Variants in CSMD1 observed in about 807,000 individuals in gnomAD.
CSMD1 encodes the protein CUB and sushi domain-containing protein 1.
Under a neutral mutation model 417.5 loss-of-function variants are expected in CSMD1, and 213 were observed. The observed-to-expected ratio is 0.51, with a 90% CI of 0.46 to 0.57. The LOEUF is 0.57. Among genes scored for constraint, CSMD1 ranks in the 20% least tolerant of loss-of-function variants. The pLI is 0.00. For synonymous variants in CSMD1, 2,862 were observed against 1,736.8 expected, an observed-to-expected ratio of 1.65 and a Z score of -16.11; for missense variants, 6,923 against 4,529.7, an observed-to-expected ratio of 1.53 and a Z score of -15.17.
intron 11 of CSMD1, among the ~76,000 whole-genome samples, chr8:3,473,020 G>C (rs1054039925): frequency 6.6e-6 from 1 of 151,808 alleles, no homozygotes; most frequent in Non-Finnish European, 1.5e-5. Context: ...CTGTCTCCTG[G>C]TTCTGGCATT....
rs73660723 is a variant in CSMD1, at chr8:4,272,070, C to A, written c.415+147883G>T. Among the ~76,000 whole-genome samples, 1,369 of 152,108 alleles carry A rather than the reference C, an allele frequency of 9.0e-3. 17 individuals carry two copies. The highest frequency in any genetic ancestry group is 0.032 in the African/African-American group (1,318 of 41,486). On this transcript the variant is annotated intron_variant, in intron 3 of 69. Coordinates refer to ENST00000635120, the MANE Select transcript of CSMD1 (RefSeq NM_033225.6). ...GTAAGTAGACCTGTGTAGTTCAAAC[C>A]TGCACTGTTCAACTATCAACTGTAC...
intron 52 of CSMD1, among the ~76,000 whole-genome samples, chr8:3,014,627 A>G (rs143775934): frequency 3.6e-4 from 55 of 152,250 alleles, no homozygotes; most frequent in African/African-American, 1.3e-3. Flanking sequence ...GGGGCGTGCC[A>G]GTTTCTGATT....
chr8:4,604,395 G>GTC (rs1206052135), intron 2 of CSMD1, among the ~76,000 whole-genome samples: 33 of 86,496 alleles, frequency 3.8e-4, no homozygotes, highest in South Asian at 1.3e-3. Flanking sequence ...GTGTGTGTGT[G>GTC]TGTGTGTGTG....
intron 1 of CSMD1, among the ~76,000 whole-genome samples, chr8:4,836,121 C>T (rs942370128): frequency 6.6e-6 from 1 of 152,038 alleles, no homozygotes; most frequent in African/African-American, 2.4e-5. Context: ...CTTCAGCTTT[C>T]CAATTTGAAA....
At chr8:4,467,835 A>G (rs969841810) in intron 2 of CSMD1, among the ~76,000 whole-genome samples, 4 of 152,228 alleles carry the variant, frequency 2.6e-5, no homozygotes, top group African/African-American at 7.2e-5. Context: ...ACTCAATGAA[A>G]TAATTGGACA....
In CSMD1 at chr8:4,498,438, TTTAC is replaced by T. The variant is rs1339826591; in HGVS notation, c.303-78377_303-78374del. On this transcript the variant is annotated intron_variant, in intron 2 of 69. Coordinates refer to ENST00000635120, the MANE Select transcript of CSMD1 (RefSeq NM_033225.6). Reference sequence around the variant, plus strand: ...AATATTAATGCATGCTTCAGAGGCATTTACTTAATTTTTAATTTTTTAAAATGAA... The same window carrying T: ...AATATTAATGCATGCTTCAGAGGCATTTAATTTTTAATTTTTTAAAATGAA... Among the ~76,000 whole-genome samples, 5 of 152,212 alleles carry T rather than the reference TTTAC, an allele frequency of 3.3e-5. 1 individual carries two copies. Among genetic ancestry groups the T allele is most frequent in the Admixed American group, 2.6e-4 (4 of 15,286 alleles).
chr8:4,553,470 C>T (rs1266157338), intron 2 of CSMD1, among the ~76,000 whole-genome samples: 5 of 143,910 alleles, frequency 3.5e-5, no homozygotes, highest in South Asian at 4.4e-4. Flanking sequence ...CAAATGAAAG[C>T]AAACCATTTT....
chr8:4,818,548 G>C (rs1275076005), intron 1 of CSMD1, among the ~76,000 whole-genome samples: 1 of 152,128 alleles, frequency 6.6e-6, no homozygotes, highest in African/African-American at 2.4e-5. Context: ...CATGAATCCA[G>C]AGACACACAC....
chr8:3,399,944 G>A (rs1422080875), intron 15 of CSMD1, among the ~76,000 whole-genome samples: 2 of 152,160 alleles, frequency 1.3e-5, no homozygotes, highest in African/African-American at 4.8e-5. Context: ...ACCCTTAGGT[G>A]TGTGTATGCA....
At chr8:3,097,990 C>T (rs1019023750) in intron 46 of CSMD1, among the ~76,000 whole-genome samples, 3 of 152,186 alleles carry the variant, frequency 2.0e-5, no homozygotes, top group Non-Finnish European at 4.4e-5. Context: ...TATTCAACTA[C>T]TTCCAGTTTA....
chr8:4,176,309 C>A (rs1213007389), intron 3 of CSMD1, among the ~76,000 whole-genome samples: 1 of 152,100 alleles, frequency 6.6e-6, no homozygotes, highest in East Asian at 1.9e-4. Flanking sequence ...TCCATCTTAT[C>A]TATATTGTTT....
At chr8:3,670,604 A>ATATATATGGGGATGTATATATTG (rs771999714) in intron 7 of CSMD1, among the ~76,000 whole-genome samples, 1 of 140,590 alleles carries the variant, frequency 7.1e-6, no homozygotes, top group Admixed American at 7.3e-5. Flanking sequence ...TATATATTGC[A>ATATATATGGGGATGTATATATTG]CATATATATG....
intron 5 of CSMD1, among the ~76,000 whole-genome samples, chr8:3,936,361 A>G (rs1248123661): frequency 6.6e-6 from 1 of 152,156 alleles, no homozygotes; most frequent in Non-Finnish European, 1.5e-5. Context: ...AGACGATACC[A>G]TCTAGGATTT....
At chr8:3,814,049 T>C (rs1210778384) in intron 5 of CSMD1, among the ~76,000 whole-genome samples, 2 of 152,212 alleles carry the variant, frequency 1.3e-5, no homozygotes, top group African/African-American at 2.4e-5. Flanking sequence ...ATAAAGCTGA[T>C]GCTTATTATT....
chr8:3,540,805 A>G (rs1189733458), intron 10 of CSMD1, among the ~76,000 whole-genome samples: 23 of 152,208 alleles, frequency 1.5e-4, no homozygotes, highest in Non-Finnish European at 1.0e-4. Flanking sequence ...TGATAAGTAA[A>G]GAAGTGCAAA....
chr8:4,164,266 A>G (rs4409415), intron 3 of CSMD1, among the ~76,000 whole-genome samples: 58,911 of 151,906 alleles, frequency 0.39, 11,660 homozygotes, highest in Middle Eastern at 0.5. Context: ...ATGTTAAAAA[A>G]GATTAATTTT....
At chr8:3,639,220 T>C (rs1407626069) in intron 7 of CSMD1, among the ~76,000 whole-genome samples, 1 of 152,212 alleles carries the variant, frequency 6.6e-6, no homozygotes, top group Non-Finnish European at 1.5e-5. Flanking sequence ...TTGAGGTCTC[T>C]CTGTTGGACT....
At chr8:4,737,725 G>A (rs188860645) in intron 1 of CSMD1, among the ~76,000 whole-genome samples, 1 of 152,280 alleles carries the variant, frequency 6.6e-6, no homozygotes, top group South Asian at 2.1e-4. Context: ...TAAGCAATAG[G>A]TAATGGCTTA....
chr8:4,545,610 G>GA lies in CSMD1; in HGVS notation c.302+91731dup, dbSNP rs536269999. Among the ~76,000 whole-genome samples the GA allele has an allele frequency of 5.3e-4, 81 of 152,306 alleles. 1 individual carries two copies. The South Asian group carries it at 0.017, about 31-fold the overall frequency. On this transcript the variant is annotated intron_variant, in intron 2 of 69. Coordinates refer to ENST00000635120, the MANE Select transcript of CSMD1 (RefSeq NM_033225.6). ...ACTGGCAACAGAAGCCCTGGCTAGA[G>GA]AAAAAGTGGTTGGCTGGTTCGTGGC...
Sources: allele counts gnomAD v4.1 joint callset (sites outside exome capture counted in the v4.1 genomes callset), GRCh38; gene constraint gnomAD v4.1.1; transcripts MANE v1.5; gene names NCBI Gene and HGNC (gene_info 2026-07-23, HGNC 2026-07-21).